ACTR3B: variants seen among roughly 807,000 people sequenced by gnomAD.
ACTR3B encodes the protein actin related protein 3B, also known as actin-related protein 3B.
A neutral mutation model predicts 59.0 loss-of-function variants in ACTR3B; 8 were observed. That is an observed-to-expected ratio of 0.14 (90% CI 0.08 to 0.24). The LOEUF (loss-of-function observed/expected upper bound fraction) is 0.24, where lower values mean the gene tolerates loss of function less well. ACTR3B is among the 10% of genes least tolerant of loss of function. The pLI, the probability that ACTR3B is intolerant of heterozygous loss-of-function variation, is 1.00. For synonymous variants in ACTR3B, 148 were observed against 197.9 expected, an observed-to-expected ratio of 0.75 and a Z score of 2.12; for missense variants, 245 against 552.3, an observed-to-expected ratio of 0.44 and a Z score of 5.58.
Position 152,759,802 on chromosome 7 carries a change from G to C in ACTR3B, c.-81G>C. On this transcript the variant is annotated 5_prime_UTR_variant, in exon 1 of 12. Coordinates refer to ENST00000256001, the MANE Select transcript of ACTR3B (RefSeq NM_020445.6). Reference sequence around the variant, plus strand: ...CGGCGGCTCGCGGGAGACGCTGCGCGCGGGGCTAGCGGGCGGCGGAGCGGA... The same window carrying C: ...CGGCGGCTCGCGGGAGACGCTGCGCCCGGGGCTAGCGGGCGGCGGAGCGGA... 1 of 1,087,410 alleles carries C rather than the reference G, an allele frequency of 9.2e-7. No homozygotes were observed. Among genetic ancestry groups the C allele is most frequent in the South Asian group, 4.4e-5 (1 of 22,828 alleles). The allele number at this position is 1,087,410 out of a possible 1,614,324, so 67.4% of individuals were successfully genotyped here.
At chr7:152,800,332 A>G (rs189618872) in intron 2 of ACTR3B, among the ~76,000 whole-genome samples, 199 bp from the exon 3 acceptor site, 21 of 152,414 alleles carry the variant, frequency 1.4e-4, no homozygotes, top group Non-Finnish European at 2.1e-4. Context: ...CATTCTGAAA[A>G]TCATACCAGA....
At chr7:152,775,741 A>G (rs2116564509) in intron 1 of ACTR3B, among the ~76,000 whole-genome samples, 1 of 151,912 alleles carries the variant, frequency 6.6e-6, no homozygotes, top group East Asian at 1.9e-4. Flanking sequence ...CCCGGGCAAC[A>G]AGAGCGAAAC....
At position 152,791,548 on chromosome 7, in the gene ACTR3B, C is replaced by A. The variant is rs148264251; in HGVS notation, c.100+8306C>A. On this transcript the variant is annotated intron_variant, in intron 2 of 11. Coordinates refer to ENST00000256001, the MANE Select transcript of ACTR3B (RefSeq NM_020445.6). ...TGCAATATTATAACCAGAAGTGAGA[C>A]CCTGTCTCTAAAAAATAAAAACAAA... 2.8e-3 allele frequency among the ~76,000 whole-genome samples: 426 copies of A among 152,346 alleles called. 1 individual carries two copies. Among genetic ancestry groups the A allele is most frequent in the African/African-American group, 9.9e-3 (413 of 41,578 alleles).
At chr7:152,827,718 G>A (rs918155632) in intron 9 of ACTR3B, among the ~76,000 whole-genome samples, 1 of 152,074 alleles carries the variant, frequency 6.6e-6, no homozygotes, top group African/African-American at 2.4e-5. Flanking sequence ...GCCTCCACCG[G>A]GCACTGGAAG....
At chr7:152,805,936 T>C (rs1460810916) in intron 4 of ACTR3B, among the ~76,000 whole-genome samples, 1 of 151,734 alleles carries the variant, frequency 6.6e-6, no homozygotes, top group African/African-American at 2.4e-5. Context: ...TCCAGAAATA[T>C]GGGTTGGTTT....
intron 9 of ACTR3B, among the ~76,000 whole-genome samples, chr7:152,845,719 C>T (rs920686165): frequency 1.3e-5 from 2 of 152,208 alleles, no homozygotes; most frequent in African/African-American, 4.8e-5. Flanking sequence ...GCTCTCCCGG[C>T]GCTCAGGAAA....
intron 9 of ACTR3B, among the ~76,000 whole-genome samples, chr7:152,849,501 C>T (rs1006383114): frequency 3.3e-5 from 5 of 152,236 alleles, no homozygotes; most frequent in African/African-American, 1.2e-4. Context: ...TTGTGAGGCT[C>T]TGTCCCTGGC....
At chr7:152,797,572 A>G (rs2098221632) in intron 2 of ACTR3B, among the ~76,000 whole-genome samples, 2 of 152,198 alleles carry the variant, frequency 1.3e-5, no homozygotes, top group South Asian at 4.1e-4. Flanking sequence ...TTAAGAATGC[A>G]ATATATCGTC....
chr7:152,786,602 C>T (rs1471549358), intron 2 of ACTR3B, among the ~76,000 whole-genome samples: 2 of 151,404 alleles, frequency 1.3e-5, no homozygotes, highest in Non-Finnish European at 2.9e-5. Context: ...ACAAAAAACC[C>T]CATGGACTCA....
At chr7:152,770,004 A>G (rs1590200262) in intron 1 of ACTR3B, among the ~76,000 whole-genome samples, 3 of 152,126 alleles carry the variant, frequency 2.0e-5, no homozygotes, top group Admixed American at 2.0e-4. Context: ...AAATTACTAT[A>G]CTCTTTCCCT....
At chr7:152,767,292 C>T (rs2098113452) in intron 1 of ACTR3B, among the ~76,000 whole-genome samples, 1 of 152,090 alleles carries the variant, frequency 6.6e-6, no homozygotes, top group African/African-American at 2.4e-5. Flanking sequence ...TCATATGCTG[C>T]ATTTGTCTAT....
In ACTR3B at chr7:152,812,019, C is replaced by CTT. The variant is rs1164677748; in HGVS notation, c.337-2503_337-2502dup. On this transcript the variant is annotated intron_variant, in intron 4 of 11. Transcript: ENST00000256001. ...TTCTTAATTCCCAGAAAATAAAAGT[C>CTT]TTTTTTTTTTTTTTTTTTTTTTTTT... 84 of 23,370 alleles carry CTT rather than the reference C, an allele frequency of 3.6e-3. 24 individuals are homozygous for CTT. Among genetic ancestry groups the CTT allele is most frequent in the African/African-American group, 8.6e-3 (76 of 8,836 alleles). The allele number at this position is 23,370 out of a possible 1,614,324, so 1.4% of individuals were successfully genotyped here. A position where few individuals can be genotyped will look rare whatever the true frequency, so the allele number is the denominator to read the frequency against.
chr7:152,789,587 CTT>C (rs971176720), intron 2 of ACTR3B, among the ~76,000 whole-genome samples: 4 of 149,826 alleles, frequency 2.7e-5, no homozygotes, highest in Non-Finnish European at 5.9e-5. Context: ...ATTGACCTCT[CTT>C]ATTTAACAGT....
At position 152,818,890 on chromosome 7, in the gene ACTR3B, C is replaced by G. The variant is rs183977887; in HGVS notation, c.541-1409C>G. Among the ~76,000 whole-genome samples, 538 of 152,238 alleles carry G rather than the reference C, an allele frequency of 3.5e-3. 3 individuals are homozygous for G. The highest frequency in any genetic ancestry group is 0.013 in the African/African-American group (520 of 41,544). ...TTATATTTTGCGTATTAATTTAACCCTAGTTTTTTTCTCTTGTGGTTAAAT... is the reference window on the plus strand; with the variant it reads ...TTATATTTTGCGTATTAATTTAACCGTAGTTTTTTTCTCTTGTGGTTAAAT... On this transcript the variant is annotated intron_variant, in intron 6 of 11. Coordinates refer to ENST00000256001, the MANE Select transcript of ACTR3B (RefSeq NM_020445.6).
Position 152,818,432 on chromosome 7 carries a change from C to T in ACTR3B, c.540+1844C>T, listed in dbSNP as rs182651879. On this transcript the variant is annotated intron_variant, in intron 6 of 11. Coordinates refer to ENST00000256001, the MANE Select transcript of ACTR3B (RefSeq NM_020445.6). ...CAAAGACCTGTATTAATACTTTTAG[C>T]TGTATAGTCTTTAAGCTCTTTTTCT... is the stretch of plus-strand genomic sequence containing the variant. 1.4e-3 allele frequency among the ~76,000 whole-genome samples: 207 copies of T among 149,244 alleles called. 1 individual carries two copies. Among genetic ancestry groups the T allele is most frequent in the African/African-American group, 4.9e-3 (201 of 41,112 alleles).
intron 9 of ACTR3B, among the ~76,000 whole-genome samples, chr7:152,828,729 G>A (rs1256552577): frequency 6.6e-6 from 1 of 152,074 alleles, no homozygotes; most frequent in African/African-American, 2.4e-5. Context: ...ACTCTTGCCG[G>A]GTAAGACGCT....
At position 152,854,381 on chromosome 7, in the gene ACTR3B, C is replaced by T; in HGVS notation, c.1162-77C>T. On this transcript the variant is annotated intron_variant, in intron 11 of 11. Coordinates refer to ENST00000256001, the MANE Select transcript of ACTR3B (RefSeq NM_020445.6). The surrounding 1 kb of genome is among the most constrained non-coding windows in gnomAD (Gnocchi z 4.9). Reference sequence around the variant, plus strand: ...GTGGAGGCCGGGATGAGGAGAGTGTCTTGCCTGCTTGGTAGCTGGTTCCCT... The same window carrying T: ...GTGGAGGCCGGGATGAGGAGAGTGTTTTGCCTGCTTGGTAGCTGGTTCCCT... 7.3e-7 allele frequency: 1 copy of T among 1,364,012 alleles called. No homozygotes were observed. Among genetic ancestry groups the T allele is most frequent in the Non-Finnish European group, 1.0e-6 (1 of 954,050 alleles). The allele number at this position is 1,364,012 out of a possible 1,614,324, so 84.5% of individuals were successfully genotyped here.
At chr7:152,784,867 C>T (rs202138233) in intron 2 of ACTR3B, among the ~76,000 whole-genome samples, 1,797 of 152,030 alleles carry the variant, frequency 0.012, 20 homozygotes, top group East Asian at 0.032. Flanking sequence ...AACCACCTCT[C>T]TAAAAGTTTC....
intron 9 of ACTR3B, among the ~76,000 whole-genome samples, chr7:152,829,519 C>A (rs971987438): frequency 1.3e-5 from 2 of 152,010 alleles, no homozygotes; most frequent in African/African-American, 4.8e-5. Context: ...GGTATTTACA[C>A]ATCTGCTTTA....
Sources: gnomAD v4.1 joint callset for allele counts (sites outside exome capture counted in the v4.1 genomes callset) on GRCh38, gnomAD v4.1.1 for gene constraint, Gnocchi (gnomAD v3.1) non-coding constraint, MANE v1.5 for transcripts, NCBI Gene and HGNC (gene_info 2026-07-23, HGNC 2026-07-21) for gene names.